Variants in CUL9 observed in about 807,000 individuals in gnomAD.
CUL9 encodes cullin-9.
CUL9 carries 79 observed loss-of-function variants against 272.6 expected under a neutral mutation model. That is an observed-to-expected ratio of 0.29 (90% CI 0.24 to 0.35). CUL9 has a LOEUF of 0.35. Ranked by LOEUF, CUL9 falls within the 10% of genes least tolerant of loss-of-function variation. The pLI is 1.00. For missense variants in CUL9, 2,532 were observed against 3,255.6 expected, an observed-to-expected ratio of 0.78 and a Z score of 5.41; for synonymous variants, 1,186 against 1,286.5, an observed-to-expected ratio of 0.92 and a Z score of 1.67.
chr6:43,196,322 C>CGTA, intron 10 of CUL9, 57 bp downstream of exon 10: 1 of 1,506,828 alleles, frequency 6.6e-7, no homozygotes, highest in Non-Finnish European at 9.0e-7. Flanking sequence ...CCCTGCTACT[C>CGTA]CTGTGCTCCA....
At position 43,186,561 on chromosome 6, in the gene CUL9, CT is replaced by C. The variant is rs1300568246; in HGVS notation, c.1251+107del. On this transcript the variant is annotated intron_variant, in intron 4 of 40. Transcript: ENST00000252050. The stretch of plus-strand genomic sequence containing the variant: ...TGCAGGCCACCCAAGAAGAACCCCC[CT>C]GGGGAATTGGAATGATACAAGGGGG... 9.0e-6 allele frequency: 13 copies of C among 1,447,586 alleles called. No homozygotes were observed. In the African/African-American group the frequency reaches 1.7e-4, roughly 19 times the overall value. The allele number at this position is 1,447,586 out of a possible 1,614,324, so 89.7% of individuals were successfully genotyped here.
At position 43,223,170 on chromosome 6, in the gene CUL9, C is replaced by G; in HGVS notation, c.7151-94C>G. 6 of 1,463,510 alleles carry G rather than the reference C, an allele frequency of 4.1e-6. No individual in the cohort carries two copies. Among genetic ancestry groups the G allele is most frequent in the Non-Finnish European group, 4.6e-6 (5 of 1,089,668 alleles). The allele number at this position is 1,463,510 out of a possible 1,614,324, so 90.7% of individuals were successfully genotyped here. A position where few individuals can be genotyped will look rare whatever the true frequency, so the allele number is the denominator to read the frequency against. On this transcript the variant is annotated intron_variant, in intron 38 of 40. Transcript: ENST00000252050. This position sits in a 1 kb window ranked among gnomAD's most constrained non-coding sequence, Gnocchi z 4.1. Reference sequence around the variant, plus strand: ...TTCATGAGAATGTCTAGAGCTGCACCTGGTGCTTGGTAGACGTTCCATAGG... The same window carrying G: ...TTCATGAGAATGTCTAGAGCTGCACGTGGTGCTTGGTAGACGTTCCATAGG...
chr6:43,220,572 C>T lies in CUL9; in HGVS notation c.6396C>T (p.Ile2132=), dbSNP rs980958524. 24 of 1,614,052 alleles carry T rather than the reference C, an allele frequency of 1.5e-5. No homozygotes were observed. Among genetic ancestry groups the T allele is most frequent in the Admixed American group, 1.3e-4 (8 of 60,002 alleles). ...CCACCGGAGCCTTCATTCGTGCCAT[C>T]GTCTCCTCGCCAGAGGTCATCTCCA... ...AQPTGAFIRA[I]VSSPEVISKY... is the part of the protein sequence containing the mutation. The change falls in exon 32 of 41, where the codon ATC becomes ATT. Residue 2132 remains isoleucine (I), a synonymous_variant. Coordinates refer to ENST00000252050, the MANE Select transcript of CUL9 (RefSeq NM_015089.4). The surrounding 1 kb of genome is among the most constrained non-coding windows in gnomAD (Gnocchi z 4.9).
At position 43,203,814 on chromosome 6, in the gene CUL9, C is replaced by T. The variant is rs750207954; in HGVS notation, c.4026-40C>T. The T allele has an allele frequency of 2.6e-6, 4 of 1,564,712 alleles. No homozygotes were observed. Among genetic ancestry groups the T allele is most frequent in the South Asian group, 1.2e-5 (1 of 84,834 alleles). ...ACTTGAATGGAGGCCTCTGGGAAAT[C>T]GGTGCCATTAATCCTCCGCCATGCA... On this transcript the variant is annotated intron_variant, in intron 19 of 40. Coordinates refer to ENST00000252050, the MANE Select transcript of CUL9 (RefSeq NM_015089.4). This position sits in a 1 kb window ranked among gnomAD's most constrained non-coding sequence, Gnocchi z 5.0.
intron 9 of CUL9, among the ~76,000 whole-genome samples, chr6:43,195,304 G>T (rs1263006700): frequency 6.6e-6 from 1 of 152,184 alleles, no homozygotes; most frequent in South Asian, 2.1e-4. Flanking sequence ...CACTCTGATT[G>T]TATAGTGTCT....
chr6:43,202,870 G>A, intron 17 of CUL9, 49 bp downstream of exon 17: 1 of 1,555,786 alleles, frequency 6.4e-7, no homozygotes, highest in Non-Finnish European at 8.9e-7. Flanking sequence ...CCTTCTTTTT[G>A]TCCCAGTGCC....
In CUL9 at chr6:43,224,487, C is replaced by A. The variant is rs369061924; in HGVS notation, c.*42C>A. 1 of 1,575,572 alleles carries A rather than the reference C, an allele frequency of 6.3e-7. No individual in the cohort carries two copies. The highest frequency in any genetic ancestry group is 1.7e-5 in the Admixed American group (1 of 57,354). On this transcript the variant is annotated 3_prime_UTR_variant, in exon 41 of 41. Transcript: ENST00000252050. The surrounding 1 kb of genome is among the most constrained non-coding windows in gnomAD (Gnocchi z 4.2). ...AACACCTAGAGCAGCCCCAGAGTCA[C>A]GGGGCTGAGGGGGCGGGAGCTGCCC... is the stretch of plus-strand genomic sequence containing the variant.
chr6:43,194,588 G>A (rs1026044595), intron 9 of CUL9, among the ~76,000 whole-genome samples: 1 of 151,710 alleles, frequency 6.6e-6, no homozygotes, highest in Non-Finnish European at 1.5e-5. Context: ...CAAAGTGCTG[G>A]GATTACAGGT....
intron 9 of CUL9, among the ~76,000 whole-genome samples, chr6:43,194,096 G>T (rs932986371): frequency 6.6e-6 from 1 of 152,130 alleles, no homozygotes; most frequent in Admixed American, 6.5e-5. Context: ...AGAAGTGCTG[G>T]CTGGTAGGGT....
At position 43,204,488 on chromosome 6, in the gene CUL9, G is replaced by A. The variant is rs141250562; in HGVS notation, c.4288G>A (p.Val1430Met). Residue 1430 changes from valine to methionine, a missense_variant, in exon 21 of 41, where the codon GTG (valine) becomes ATG (methionine). Val to Met is a conservative substitution (Grantham distance 21). Transcript: ENST00000252050. ...SRVRRLCHLL[V>M]HVEPPPGPSP... ...AGTTCGTCGCCTTTGCCACTTGCTG[G>A]TGCATGTGGAACCTCCTCCTGGGCC... 131 of 1,614,010 alleles carry A rather than the reference G, an allele frequency of 8.1e-5. No individual in the cohort carries two copies. Among genetic ancestry groups the A allele is most frequent in the Admixed American group, 3.0e-4 (18 of 60,006 alleles).
In CUL9 at chr6:43,196,857, G is replaced by T. The variant is rs377429586; in HGVS notation, c.2798G>T (p.Arg933Leu). Reference protein sequence around the residue: ...RYSEPPGSPERAALETPIIQG... With the variant: ...RYSEPPGSPELAALETPIIQG... ...TCAGAGCCGCCGGGCAGCCCTGAGC[G>T]TGCAGGTACCATTGTGGAGGGGTGG... Residue 933 changes from arginine (R) to leucine (L), a missense_variant, in exon 11 of 41, where the codon CGT (arginine) becomes CTT (leucine). Around this residue, in one of 3 missense-constraint regions of CUL9, gnomAD observed 2,218 missense variants for 2,788.6 expected, o/e 0.80. Transcript: ENST00000252050. The T allele has an allele frequency of 4.3e-6, 7 of 1,613,598 alleles. No individual in the cohort carries two copies. Among genetic ancestry groups the T allele is most frequent in the East Asian group, 2.2e-5 (1 of 44,878 alleles).
At chr6:43,187,476 A>G (rs201148900) in intron 6 of CUL9, 37 bp downstream of exon 6, 17 of 1,594,970 alleles carry the variant, frequency 1.1e-5, no homozygotes, top group Middle Eastern at 3.4e-4. Flanking sequence ...GTTTTCTAGT[A>G]GGGTTAGAGG....
rs1441996239 is a variant in CUL9, at chr6:43,198,557, A to G, written c.2804-52A>G. On this transcript the variant is annotated intron_variant, in intron 11 of 40. Transcript: ENST00000252050. The stretch of plus-strand genomic sequence containing the variant: ...GACCTTCCCAGTTCTCAGTTTGACA[A>G]ACTGGTAAGACTCTTCATCCACATT... 14 of 1,590,856 alleles carry G rather than the reference A, an allele frequency of 8.8e-6. No homozygotes were observed. The African/African-American group carries it at 1.3e-4, about 15-fold the overall frequency.
Position 43,206,577 on chromosome 6 carries a change from G to A in CUL9, c.5212+67G>A. 1.4e-6 allele frequency: 2 copies of A among 1,473,378 alleles called. No individual in the cohort carries two copies. The highest frequency in any genetic ancestry group is 1.9e-6 in the Non-Finnish European group (2 of 1,054,536). 91.3% of individuals were successfully genotyped at this position (1,473,378 alleles called of 1,614,324 possible). On this transcript the variant is annotated intron_variant, in intron 26 of 40. Transcript: ENST00000252050. The surrounding 1 kb of genome is among the most constrained non-coding windows in gnomAD (Gnocchi z 4.8). Reference sequence around the variant, plus strand: ...TCGGGGTGGCAAGAGAGGAAGAGGAGAGGACCTTTGGACAGGATATAGATG... The same window carrying A: ...TCGGGGTGGCAAGAGAGGAAGAGGAAAGGACCTTTGGACAGGATATAGATG...
Position 43,223,800 on chromosome 6 carries a change from T to C in CUL9, c.7285-295T>C. ...AGCTCTAATGCACTGATGCTGAGTC[T>C]AAACTGTGAGTCCTGTCCTCAGGTT... On this transcript the variant is annotated intron_variant, in intron 39 of 40. Coordinates refer to ENST00000252050, the MANE Select transcript of CUL9 (RefSeq NM_015089.4). The surrounding 1 kb of genome is among the most constrained non-coding windows in gnomAD (Gnocchi z 4.1). 1.9e-6 allele frequency: 1 copy of C among 526,874 alleles called. No individual in the cohort carries two copies. The highest frequency in any genetic ancestry group is 2.1e-5 in the South Asian group (1 of 47,066). 32.6% of individuals were successfully genotyped at this position (526,874 alleles called of 1,614,324 possible).
chr6:43,222,626 G>A lies in CUL9; in HGVS notation c.7017G>A (p.Leu2339=). The A allele has an allele frequency of 1.2e-6, 2 of 1,612,488 alleles. No homozygotes were observed. The highest frequency in any genetic ancestry group is 8.5e-7 in the Non-Finnish European group (1 of 1,180,000). ...TCCTCAATGATGCCTGCCAGGGACT[G>A]GAGCAGGCTCGGAAGGTGGTAGCGG... ...FTFLNDACQG[L]EQARKVLAYA... The change falls in exon 37 of 41, where the codon CTG becomes CTA. Residue 2339 remains leucine, a synonymous_variant. Transcript: ENST00000252050.
At chr6:43,208,485 C>T (rs890310643) in intron 26 of CUL9, among the ~76,000 whole-genome samples, 3 of 152,180 alleles carry the variant, frequency 2.0e-5, no homozygotes, top group African/African-American at 7.2e-5. Context: ...GGATTATAGG[C>T]GTGAGCCACT....
chr6:43,223,895 T>C lies in CUL9; in HGVS notation c.7285-200T>C. ...TGTAAGCTCTTTAAGCACAGGGTCG[T>C]GTGCCTCACCTGGTACCCCGTATCC... is the stretch of plus-strand genomic sequence containing the variant. On this transcript the variant is annotated intron_variant, in intron 39 of 40. Coordinates refer to ENST00000252050, the MANE Select transcript of CUL9 (RefSeq NM_015089.4). The surrounding 1 kb of genome is among the most constrained non-coding windows in gnomAD (Gnocchi z 4.1). The C allele has an allele frequency of 1.6e-6, 1 of 617,124 alleles. No homozygotes were observed. Among genetic ancestry groups the C allele is most frequent in the South Asian group, 1.8e-5 (1 of 54,666 alleles). The allele number at this position is 617,124 out of a possible 1,614,324, so 38.2% of individuals were successfully genotyped here.
In CUL9 at chr6:43,205,097, C is replaced by T. The variant is rs752617684; in HGVS notation, c.4614C>T (p.Ser1538=). ...SGFSGALLQQ[S]FLTAAHMSEQ... Reference sequence around the variant, plus strand: ...TCTCTGGCGCCTTGCTGCAGCAGTCCTTCCTCACTGCTGCTCACGTGAGTC... The same window carrying T: ...TCTCTGGCGCCTTGCTGCAGCAGTCTTTCCTCACTGCTGCTCACGTGAGTC... Residue 1538 remains serine (S), a synonymous_variant, in exon 23 of 41, where the codon TCC becomes TCT. Transcript: ENST00000252050. The T allele has an allele frequency of 1.3e-6, 2 of 1,594,576 alleles. No individual in the cohort carries two copies.
Sources: allele counts gnomAD v4.1 joint callset (sites outside exome capture counted in the v4.1 genomes callset), GRCh38; gene constraint gnomAD v4.1.1; regional missense constraint gnomAD v4.1.1; non-coding constraint Gnocchi (gnomAD v3.1); transcripts MANE v1.5; gene names NCBI Gene and HGNC (gene_info 2026-07-23, HGNC 2026-07-21).